The following FRA10AC1 variants were observed in gnomAD, a reference collection of about 807,000 sequenced individuals.
The protein encoded by FRA10AC1 is protein FRA10AC1.
Under a neutral mutation model 56.5 loss-of-function variants are expected in FRA10AC1, and 43 were observed. That is an observed-to-expected ratio of 0.76 (90% CI 0.60 to 0.98). The LOEUF (loss-of-function observed/expected upper bound fraction) is 0.98, where lower values mean the gene tolerates loss of function less well. FRA10AC1 is among the 50% of genes least tolerant of loss of function. FRA10AC1 has a pLI of 0.00. For synonymous variants in FRA10AC1, 112 were observed against 110.5 expected (o/e 1.01, Z -0.09); for missense variants, 346 against 351.8 (o/e 0.98, Z 0.13).
At chr10:93,687,057 C>T (rs886177350) in intron 8 of FRA10AC1, among the ~76,000 whole-genome samples, 4 of 151,554 alleles carry the variant, frequency 2.6e-5, no homozygotes, top group Admixed American at 2.6e-4. Flanking sequence ...ACAGTAACAC[C>T]AATTCATTAT....
intron 1 of FRA10AC1, among the ~76,000 whole-genome samples, chr10:93,701,322 C>T (rs1271262850): frequency 4.6e-5 from 7 of 152,150 alleles, no homozygotes; most frequent in Non-Finnish European, 7.3e-5. Context: ...ACTAATATAA[C>T]GACAGCAAGT....
Position 93,699,474 on chromosome 10 carries a change from G to A in FRA10AC1, c.77+556C>T, listed in dbSNP as rs775792589. On this transcript the variant is annotated intron_variant, in intron 2 of 13. Coordinates refer to ENST00000359204, the MANE Select transcript of FRA10AC1 (RefSeq NM_145246.5). ...TGAAAGCTAAGAACAATGCTCCTAC[G>A]CACAGCAGCTCCACCAAGACGTATC... Among the ~76,000 whole-genome samples the A allele has an allele frequency of 8.2e-4, 125 of 152,140 alleles. 3 individuals carry two copies. Among genetic ancestry groups the A allele is most frequent in the Middle Eastern group, 3.4e-3 (1 of 294 alleles).
At chr10:93,685,515 A>G (rs561636946) in intron 8 of FRA10AC1, 156 bp from the exon 9 acceptor site, 1 of 480,406 alleles carries the variant, frequency 2.1e-6, no homozygotes, top group South Asian at 3.2e-5. Context: ...CAACTTGTAT[A>G]CAAGTATCAA....
rs867326098 is a variant in FRA10AC1, at chr10:93,670,840, C to G, written c.835G>C (p.Asp279His). ...KSEDSLLRNS[D>H]EEESASESEL... The stretch of plus-strand genomic sequence containing the variant: ...GATTCTGAAGCACTTTCTTCCTCAT[C>G]AGAGTTTCCTGTTCATTTAAAAAAG... The change falls in exon 13 of 14, where the codon GAT (aspartate) becomes CAT (histidine). Residue 279 changes from aspartate (D) to histidine (H), a missense_variant. Physicochemically the swap from Asp to His is moderately conservative, Grantham distance 81. Transcript: ENST00000359204. 6.2e-7 allele frequency: 1 copy of G among 1,608,464 alleles called. No homozygotes were observed. The highest frequency in any genetic ancestry group is 8.5e-7 in the Non-Finnish European group (1 of 1,175,456).
chr10:93,671,450 G>A (rs2058760714), intron 12 of FRA10AC1: 1 of 153,130 alleles, frequency 6.5e-6, no homozygotes, highest in Admixed American at 6.5e-5. Context: ...ATATAGATCA[G>A]TTTAAAACGC....
intron 4 of FRA10AC1, among the ~76,000 whole-genome samples, chr10:93,696,287 G>A (rs749124554): frequency 5.9e-5 from 9 of 152,138 alleles, no homozygotes; most frequent in Non-Finnish European, 1.3e-4. Context: ...AACACCAACA[G>A]GCACGGACTA....
chr10:93,679,339 G>A (rs1426784905), intron 11 of FRA10AC1, among the ~76,000 whole-genome samples: 2 of 152,168 alleles, frequency 1.3e-5, no homozygotes, highest in African/African-American at 4.8e-5. Context: ...CTGCCTCTTT[G>A]GCTTTTACAT....
chr10:93,685,881 A>C (rs10882301), intron 8 of FRA10AC1, among the ~76,000 whole-genome samples: 61,549 of 151,630 alleles, frequency 0.41, 14,606 homozygotes, highest in Non-Finnish European at 0.52. Flanking sequence ...TTGAAAACAC[A>C]TTTAAAAATT....
At chr10:93,696,260 G>C (rs1371669654) in intron 4 of FRA10AC1, among the ~76,000 whole-genome samples, 3 of 152,172 alleles carry the variant, frequency 2.0e-5, no homozygotes, top group Non-Finnish European at 4.4e-5. Context: ...TGGAGGTAAA[G>C]AAGGTGACAA....
chr10:93,695,625 G>C (rs2059219286), intron 4 of FRA10AC1, among the ~76,000 whole-genome samples: 1 of 151,734 alleles, frequency 6.6e-6, no homozygotes, highest in Admixed American at 6.6e-5. Context: ...AATATTCTCT[G>C]TGACTATTAA....
chr10:93,692,681 G>C lies in FRA10AC1; in HGVS notation c.345C>G (p.Phe115Leu). The stretch of plus-strand genomic sequence containing the variant: ...CCATTTCGTCCTCCTCATTCCATAG[G>C]AATCTATGATTTTCTCGTATAACAT... ...DLDVIRENHR[F>L]LWNEEDEMDM... The change falls in exon 6 of 14, where the codon TTC (phenylalanine) becomes TTG (leucine). Residue 115 changes from phenylalanine (F) to leucine (L), a missense_variant. Coordinates refer to ENST00000359204, the MANE Select transcript of FRA10AC1 (RefSeq NM_145246.5). The C allele has an allele frequency of 6.3e-7, 1 of 1,598,108 alleles. No homozygotes were observed. Among genetic ancestry groups the C allele is most frequent in the African/African-American group, 1.4e-5 (1 of 73,928 alleles).
Position 93,685,292 on chromosome 10 carries a change from A to C in FRA10AC1, c.579T>G (p.Phe193Leu). The C allele has an allele frequency of 6.3e-7, 1 of 1,589,608 alleles. No individual in the cohort carries two copies. The highest frequency in any genetic ancestry group is 8.6e-7 in the Non-Finnish European group (1 of 1,159,786). Residue 193 changes from phenylalanine (F) to leucine (L), a missense_variant, in exon 9 of 14, where the codon TTT becomes TTG. Transcript: ENST00000359204. ...TCTTCTCACCATGCTCAATATAACC[A>C]AAATTAACTTCCCAACTCTTTAAGC... is the stretch of plus-strand genomic sequence containing the variant. ...KEGLKSWEVN[F>L]GYIEHGEKRN...
intron 7 of FRA10AC1, 169 bp from the exon 8 acceptor site, chr10:93,687,618 A>G (rs1201895205): frequency 1.6e-6 from 1 of 620,740 alleles, no homozygotes; most frequent in African/African-American, 1.9e-5. Context: ...ACAATCACCA[A>G]TTTATCTGTT....
At chr10:93,688,062 T>C (rs1311859199) in intron 7 of FRA10AC1, 1 of 152,124 alleles carries the variant, frequency 6.6e-6, no homozygotes, top group Non-Finnish European at 1.5e-5. Context: ...AAAACCTAAA[T>C]ATAGATGTTT....
chr10:93,679,307 A>G (rs1192848322), intron 11 of FRA10AC1, among the ~76,000 whole-genome samples: 2 of 152,196 alleles, frequency 1.3e-5, no homozygotes, highest in Admixed American at 6.5e-5. Flanking sequence ...GGATATAGCA[A>G]TGAACAAAGC....
rs2059350206 is a variant in FRA10AC1, at chr10:93,702,429, T to C, written c.-55A>G. The C allele has an allele frequency of 1.8e-5, 3 of 166,516 alleles. 1 individual carries two copies. Among genetic ancestry groups the C allele is most frequent in the Non-Finnish European group, 3.9e-5 (3 of 77,296 alleles). The allele number at this position is 166,516 out of a possible 1,614,324, so 10.3% of individuals were successfully genotyped here. On this transcript the variant is annotated 5_prime_UTR_variant, in exon 1 of 14. Coordinates refer to ENST00000359204, the MANE Select transcript of FRA10AC1 (RefSeq NM_145246.5). ...CGCCCCCGGAGTCGTCGTTTCCTTCTTTCCCGGCAGCTGCAGCGACGACCC... is the reference window on the plus strand; with the variant it reads ...CGCCCCCGGAGTCGTCGTTTCCTTCCTTCCCGGCAGCTGCAGCGACGACCC...
intron 11 of FRA10AC1, 103 bp downstream of exon 11, chr10:93,681,377 A>G: frequency 1.3e-6 from 1 of 769,262 alleles, no homozygotes; most frequent in Non-Finnish European, 2.1e-6. Flanking sequence ...ACTACCATAA[A>G]ATGAAATTCT....
At chr10:93,675,379 T>C (rs2058824980) in intron 12 of FRA10AC1, 1 of 152,160 alleles carries the variant, frequency 6.6e-6, no homozygotes, top group Admixed American at 6.5e-5. Flanking sequence ...TATTTTAAAG[T>C]CATAAAAAAT....
rs959016946 is a variant in FRA10AC1 at position 93,668,218 on chromosome 10, ACTTG to A, written c.*1604_*1607del. On this transcript the variant is annotated 3_prime_UTR_variant, in exon 14 of 14. Transcript: ENST00000359204. ...TAAAATAGTATATCTTCAATAAAAT[ACTTG>A]CTTATGTTCAGTTCATTTTCTATAT... 4.6e-5 allele frequency: 7 copies of A among 152,218 alleles called. No homozygotes were observed. Among genetic ancestry groups the A allele is most frequent in the Non-Finnish European group, 7.3e-5 (5 of 68,042 alleles). The allele number at this position is 152,218 out of a possible 1,614,324, so 9.4% of individuals were successfully genotyped here.
Sources: allele counts gnomAD v4.1 joint callset (sites outside exome capture counted in the v4.1 genomes callset), GRCh38; gene constraint gnomAD v4.1.1; transcripts MANE v1.5; gene names NCBI Gene and HGNC (gene_info 2026-07-23, HGNC 2026-07-21).